Variants in ZNF121 observed in about 807,000 individuals in gnomAD.
ZNF121 encodes the protein zinc finger protein 121.
A neutral mutation model predicts 2.4 loss-of-function variants in ZNF121; 1 was observed. The ratio of observed to expected loss-of-function variants is 0.41; its 90% CI spans 0.15 to 1.94. The LOEUF is 1.94. ZNF121 is among the 30% of genes most tolerant of loss of function. The pLI is 0.30. For synonymous variants in ZNF121, 173 were observed against 158.6 expected, an observed-to-expected ratio of 1.09 and a Z score of -0.68; for missense variants, 369 against 466.3, an observed-to-expected ratio of 0.79 and a Z score of 1.92.
chr19:9,567,088 C>T lies in ZNF121; in HGVS notation c.25G>A (p.Glu9Lys). 2.5e-6 allele frequency: 4 copies of T among 1,611,406 alleles called. No individual in the cohort carries two copies. Among genetic ancestry groups the T allele is most frequent in the Non-Finnish European group, 3.4e-6 (4 of 1,178,550 alleles). The stretch of plus-strand genomic sequence containing the variant: ...CCATTTTCCATAAAGTCACAGAGTT[C>T]CCCTCCATTGTGGATTTCTGCCTGT... MAEIHNGG[E>K]LCDFMENGEI... Residue 9 changes from glutamate (E) to lysine (K), a missense_variant, in exon 4 of 4, where the codon GAA becomes AAA. Physicochemically the swap from Glu to Lys is moderately conservative, Grantham distance 56. Coordinates refer to ENST00000320451, the MANE Select transcript of ZNF121 (RefSeq NM_001008727.5).
chr19:9,577,074 A>G (rs1314568098), intron 1 of ZNF121, among the ~76,000 whole-genome samples: 1 of 152,260 alleles, frequency 6.6e-6, no homozygotes, highest in Non-Finnish European at 1.5e-5. Flanking sequence ...TGAAGAGAAG[A>G]GAATATTTCC....
At chr19:9,568,030 C>T (rs2074146083) in intron 3 of ZNF121, 65 bp downstream of exon 3, 26 of 1,489,156 alleles carry the variant, frequency 1.7e-5, no homozygotes, top group Non-Finnish European at 2.4e-5. Flanking sequence ...CTCATTTTTG[C>T]TGATTTTTTA....
At chr19:9,576,371 C>T (rs553090741) in intron 1 of ZNF121, among the ~76,000 whole-genome samples, 19 of 151,726 alleles carry the variant, frequency 1.3e-4, no homozygotes, top group African/African-American at 3.1e-4. Flanking sequence ...TGTTTTGGTA[C>T]GTTGACATAT....
Position 9,567,595 on chromosome 19 carries a change from T to C in ZNF121, c.4-486A>G, listed in dbSNP as rs578228425. Reference sequence around the variant, plus strand: ...AACAACATTACATTTACTGTGACTTTATTTCTATTATTATTACATTGTAAT... The same window carrying C: ...AACAACATTACATTTACTGTGACTTCATTTCTATTATTATTACATTGTAAT... On this transcript the variant is annotated intron_variant, in intron 3 of 3. Coordinates refer to ENST00000320451, the MANE Select transcript of ZNF121 (RefSeq NM_001008727.5). The C allele has an allele frequency of 6.4e-5, 16 of 251,482 alleles. No individual in the cohort carries two copies. The South Asian group carries it at 7.4e-4, about 12-fold the overall frequency. 15.6% of individuals were successfully genotyped at this position (251,482 alleles called of 1,614,324 possible). A position where few individuals can be genotyped will look rare whatever the true frequency, so the allele number is the denominator to read the frequency against.
At position 9,560,399 on chromosome 19, in the gene ZNF121, GAA is replaced by G. The variant is rs1411868157; in HGVS notation, c.*5539_*5540del. The G allele has an allele frequency of 2.0e-5, 3 of 152,172 alleles. No individual in the cohort carries two copies. In the East Asian group the frequency reaches 5.8e-4, roughly 29 times the overall value. 9.4% of individuals were successfully genotyped at this position (152,172 alleles called of 1,614,324 possible). On this transcript the variant is annotated 3_prime_UTR_variant, in exon 4 of 4. Transcript: ENST00000320451. ...CCCTTTCACATACTTTGTGTGTACCGAAGAGTATTGTTAACTATAGGCATATT... is the reference window on the plus strand; with the variant it reads ...CCCTTTCACATACTTTGTGTGTACCGGAGTATTGTTAACTATAGGCATATT...
chr19:9,581,402 G>T (rs182384289), intron 1 of ZNF121, among the ~76,000 whole-genome samples: 2 of 152,046 alleles, frequency 1.3e-5, no homozygotes, highest in African/African-American at 4.8e-5. Context: ...GGGTGGGCAC[G>T]TAGAAGAAAA....
rs2074112707 is a variant in ZNF121, at chr19:9,563,541, T to C, written c.*2399A>G. ...CTTCAGGAGATGCCATTTAGGACTT[T>C]CACAGCTCTAGGTAAGCTAATATCT... On this transcript the variant is annotated 3_prime_UTR_variant, in exon 4 of 4. Transcript: ENST00000320451. 6.6e-6 allele frequency: 1 copy of C among 152,250 alleles called. No individual in the cohort carries two copies. The highest frequency in any genetic ancestry group is 1.5e-5 in the Non-Finnish European group (1 of 68,052). The allele number at this position is 152,250 out of a possible 1,614,324, so 9.4% of individuals were successfully genotyped here.
chr19:9,583,599 G>A (rs2074264488), intron 1 of ZNF121, among the ~76,000 whole-genome samples: 1 of 149,608 alleles, frequency 6.7e-6, no homozygotes, highest in Non-Finnish European at 1.5e-5. Flanking sequence ...CGCCTCCCGG[G>A]TTCACGCCAT....
chr19:9,582,723 C>T (rs1048107278), intron 1 of ZNF121, among the ~76,000 whole-genome samples: 4 of 142,082 alleles, frequency 2.8e-5, no homozygotes, highest in Admixed American at 2.2e-4. Flanking sequence ...CACCCCGACC[C>T]GGGTAGCAGA....
chr19:9,568,349 G>T (rs2074149259), intron 2 of ZNF121, among the ~76,000 whole-genome samples, 174 bp from the exon 3 acceptor site: 1 of 151,648 alleles, frequency 6.6e-6, no homozygotes, highest in South Asian at 2.1e-4. Context: ...CAATCGTAAG[G>T]ACTTGGGGTC....
chr19:9,576,551 C>T (rs1275010468), intron 1 of ZNF121, among the ~76,000 whole-genome samples: 7 of 151,708 alleles, frequency 4.6e-5, no homozygotes, highest in South Asian at 2.1e-4. Flanking sequence ...TTAAAATAAC[C>T]GAATGATACC....
At position 9,564,847 on chromosome 19, in the gene ZNF121, C is replaced by A. The variant is rs1264718977; in HGVS notation, c.*1093G>T. On this transcript the variant is annotated 3_prime_UTR_variant, in exon 4 of 4. Transcript: ENST00000320451. ...ATGAAGAGTCAATCAATGCAGCAATCTTCACTGCTGTCTTATTTTAAGAAA... is the reference window on the plus strand; with the variant it reads ...ATGAAGAGTCAATCAATGCAGCAATATTCACTGCTGTCTTATTTTAAGAAA... 6.6e-6 allele frequency: 1 copy of A among 152,288 alleles called. No individual in the cohort carries two copies. Among genetic ancestry groups the A allele is most frequent in the Middle Eastern group, 3.2e-3 (1 of 316 alleles). 9.4% of individuals were successfully genotyped at this position (152,288 alleles called of 1,614,324 possible).
rs893913826 is a variant in ZNF121, at chr19:9,563,752, T to C, written c.*2188A>G. The C allele has an allele frequency of 1.3e-5, 2 of 152,224 alleles. No homozygotes were observed. The highest frequency in any genetic ancestry group is 2.1e-4 in the South Asian group (1 of 4,832). 9.4% of individuals were successfully genotyped at this position (152,224 alleles called of 1,614,324 possible). On this transcript the variant is annotated 3_prime_UTR_variant, in exon 4 of 4. Coordinates refer to ENST00000320451, the MANE Select transcript of ZNF121 (RefSeq NM_001008727.5). ...GGCTGGCTTTCTTGTTAGAGGTCAA[T>C]GCAGTTGGTGACTTTAAATGAATGC...
rs529808180 is a variant in ZNF121, at chr19:9,560,546, G to A, written c.*5394C>T. ...AAATACCGCAGTACTTTGTTCTTCT[G>A]AGTTTGACGTTAGATACCCCATATA... On this transcript the variant is annotated 3_prime_UTR_variant, in exon 4 of 4. Transcript: ENST00000320451. The A allele has an allele frequency of 5.3e-5, 8 of 152,248 alleles. No homozygotes were observed. In the East Asian group the frequency reaches 1.4e-3, roughly 26 times the overall value. 9.4% of individuals were successfully genotyped at this position (152,248 alleles called of 1,614,324 possible).
chr19:9,570,069 G>A (rs2074163060), intron 1 of ZNF121, among the ~76,000 whole-genome samples: 2 of 151,720 alleles, frequency 1.3e-5, no homozygotes, highest in South Asian at 4.2e-4. Flanking sequence ...AGCAGGGCGT[G>A]GTGGCACGTG....
intron 1 of ZNF121, among the ~76,000 whole-genome samples, chr19:9,573,426 G>A (rs2074187994): frequency 6.6e-6 from 1 of 152,154 alleles, no homozygotes; most frequent in African/African-American, 2.4e-5. Context: ...GATTCACTGA[G>A]CTTGAAGAAA....
rs1328659463 is a variant in ZNF121 at position 9,563,074 on chromosome 19, A to G, written c.*2866T>C. 1 of 149,376 alleles carries G rather than the reference A, an allele frequency of 6.7e-6. No homozygotes were observed. 9.3% of individuals were successfully genotyped at this position (149,376 alleles called of 1,614,324 possible). The stretch of plus-strand genomic sequence containing the variant: ...TCTCAAAAAAAAAAAAAAAAAAAAA[A>G]CTGGGATAGGCCAAAATCTAGGCCT... On this transcript the variant is annotated 3_prime_UTR_variant, in exon 4 of 4. Transcript: ENST00000320451.
chr19:9,575,395 C>T (rs1321695885), intron 1 of ZNF121, among the ~76,000 whole-genome samples: 1 of 152,006 alleles, frequency 6.6e-6, no homozygotes, highest in East Asian at 1.9e-4. Context: ...TGTACTCCAG[C>T]CTGGGCAACA....
intron 1 of ZNF121, among the ~76,000 whole-genome samples, chr19:9,569,894 T>C (rs1216682042): frequency 2.0e-5 from 3 of 150,866 alleles, no homozygotes; most frequent in African/African-American, 7.3e-5. Flanking sequence ...TTGTGTCTTT[T>C]GTAGCTTTTC....
Sources: allele counts gnomAD v4.1 joint callset (sites outside exome capture counted in the v4.1 genomes callset), GRCh38; gene constraint gnomAD v4.1.1; transcripts MANE v1.5; gene names NCBI Gene and HGNC (gene_info 2026-07-23, HGNC 2026-07-21).